Variants in PHLDB2 observed in about 807,000 individuals in gnomAD.
PHLDB2 encodes the protein pleckstrin homology like domain family B member 2.
In PHLDB2, 71 loss-of-function variants were observed where a neutral mutation model predicts 123.6. That is an observed-to-expected ratio of 0.57 (90% CI 0.47 to 0.70). PHLDB2 has a LOEUF of 0.70. Among genes scored for constraint, PHLDB2 ranks in the 30% least tolerant of loss-of-function variants. PHLDB2 has a pLI of 0.00. For synonymous variants in PHLDB2, 547 were observed against 541.6 expected, an observed-to-expected ratio of 1.01 and a Z score of -0.14; for missense variants, 1,446 against 1,519.5, an observed-to-expected ratio of 0.95 and a Z score of 0.80.
At chr3:111,937,617 A>T (rs1291199707) in intron 6 of PHLDB2, among the ~76,000 whole-genome samples, 1 of 152,044 alleles carries the variant, frequency 6.6e-6, no homozygotes, top group East Asian at 1.9e-4. Flanking sequence ...TCTACAAAAA[A>T]GTACAAAAAT....
rs1217006247 is a variant in PHLDB2 at position 111,903,588 on chromosome 3, A to T, written c.1336-9731A>T. 3.3e-5 allele frequency among the ~76,000 whole-genome samples: 5 copies of T among 152,184 alleles called. No homozygotes were observed. In the South Asian group the frequency reaches 1.0e-3, roughly 32 times the overall value. Reference sequence around the variant, plus strand: ...CCTGTATTTCCTTTCCCTGAAAATAATTGGGTCTAGTTTTTAGGCGTGCTT... The same window carrying T: ...CCTGTATTTCCTTTCCCTGAAAATATTTGGGTCTAGTTTTTAGGCGTGCTT... On this transcript the variant is annotated intron_variant, in intron 2 of 17. Transcript: ENST00000431670.
intron 2 of PHLDB2, among the ~76,000 whole-genome samples, chr3:111,902,540 T>A (rs1007180183): frequency 1.3e-5 from 2 of 152,236 alleles, no homozygotes; most frequent in Non-Finnish European, 2.9e-5. Flanking sequence ...TATCTATTTT[T>A]AAAGTACAAA....
chr3:111,772,129 T>C (rs931430633), intron 1 of PHLDB2, among the ~76,000 whole-genome samples: 3 of 152,158 alleles, frequency 2.0e-5, no homozygotes, highest in African/African-American at 7.2e-5. Flanking sequence ...TTATTACTCC[T>C]TCTTACTTGA....
chr3:111,920,903 G>T (rs952077383), intron 5 of PHLDB2, among the ~76,000 whole-genome samples: 1 of 152,158 alleles, frequency 6.6e-6, no homozygotes. Context: ...GCTTTGCCTT[G>T]CTATTGTTTT....
At position 111,973,194 on chromosome 3, in the gene PHLDB2, A is replaced by C. The variant is rs74640145; in HGVS notation, c.3536-538A>C. Among the ~76,000 whole-genome samples the C allele has an allele frequency of 9.5e-3, 1,447 of 152,222 alleles. 14 individuals are homozygous for C. The highest frequency in any genetic ancestry group is 0.017 in the Non-Finnish European group (1,137 of 68,020). On this transcript the variant is annotated intron_variant, in intron 16 of 17. Coordinates refer to ENST00000431670, the MANE Select transcript of PHLDB2 (RefSeq NM_001134438.2). ...TTGAAAACAGTTTGGAAATTGTTGC[A>C]TTGAAAGGACAATAAATTATTTGCT...
chr3:111,962,571 C>G (rs1346788247), intron 13 of PHLDB2, among the ~76,000 whole-genome samples: 5 of 152,160 alleles, frequency 3.3e-5, no homozygotes, highest in Non-Finnish European at 7.3e-5. Flanking sequence ...CAAATTTACA[C>G]TGTGCTTTAA....
At chr3:111,769,477 A>G (rs1001222380) in intron 1 of PHLDB2, among the ~76,000 whole-genome samples, 1 of 152,216 alleles carries the variant, frequency 6.6e-6, no homozygotes, top group African/African-American at 2.4e-5. Flanking sequence ...AGTATTCATT[A>G]TCTGTCTTTC....
At chr3:111,922,772 ACT>A (rs1375333773) in intron 5 of PHLDB2, among the ~76,000 whole-genome samples, 8 of 152,096 alleles carry the variant, frequency 5.3e-5, no homozygotes, top group Non-Finnish European at 8.8e-5. Context: ...TATTTCATAC[ACT>A]CTGTTCATAC....
At chr3:111,926,536 A>AT (rs1559907167) in intron 5 of PHLDB2, among the ~76,000 whole-genome samples, 3 of 149,414 alleles carry the variant, frequency 2.0e-5, no homozygotes, top group African/African-American at 4.9e-5. Flanking sequence ...GCTTGAGGCT[A>AT]TTTTTTTTCT....
chr3:111,953,933 C>T lies in PHLDB2; in HGVS notation c.2776C>T (p.His926Tyr). 6.2e-7 allele frequency: 1 copy of T among 1,613,322 alleles called. No homozygotes were observed. The highest frequency in any genetic ancestry group is 8.5e-7 in the Non-Finnish European group (1 of 1,179,488). Reference sequence around the variant, plus strand: ...TACTCCCTCCTGCTTCCCGCAGGCCCATCTGCCCCTAGGACAGAGTAACAG... The same window carrying T: ...TACTCCCTCCTGCTTCCCGCAGGCCTATCTGCCCCTAGGACAGAGTAACAG... ...TMGRSITPKA[H>Y]LPLGQSNSCG... is the part of the protein sequence containing the mutation. Residue 926 changes from histidine (H) to tyrosine (Y), a missense_variant, in exon 12 of 18, where the codon CAT (histidine) becomes TAT (tyrosine). Around this residue, in one of 3 missense-constraint regions of PHLDB2, gnomAD observed 594 missense variants for 646.0 expected, o/e 0.92. Coordinates refer to ENST00000431670, the MANE Select transcript of PHLDB2 (RefSeq NM_001134438.2).
At chr3:111,970,001 G>T in intron 16 of PHLDB2, 92 bp downstream of exon 16, 2 of 1,176,608 alleles carry the variant, frequency 1.7e-6, no homozygotes, top group African/African-American at 3.1e-5. Flanking sequence ...AAATAGGTAG[G>T]TTGATACATA....
intron 12 of PHLDB2, 118 bp downstream of exon 12, chr3:111,954,147 TTTACTC>T: frequency 2.4e-6 from 2 of 820,596 alleles, no homozygotes; most frequent in Non-Finnish European, 3.8e-6. Flanking sequence ...AAGGCCTAAT[TTTACTC>T]TTAATGTGTT....
At chr3:111,738,499 T>C (rs2059547973) in intron 1 of PHLDB2, among the ~76,000 whole-genome samples, 1 of 152,212 alleles carries the variant, frequency 6.6e-6, no homozygotes, top group Non-Finnish European at 1.5e-5. Flanking sequence ...TTCCCAGAAG[T>C]GTGTTAGACA....
At chr3:111,935,344 A>G (rs552378473) in intron 6 of PHLDB2, among the ~76,000 whole-genome samples, 6 of 151,910 alleles carry the variant, frequency 3.9e-5, no homozygotes, top group Non-Finnish European at 7.4e-5. Context: ...CAATTAAAAG[A>G]CCTTTTTACT....
At chr3:111,866,947 G>GTGTGTGTGTGTGTGTGTGTGTGTGTGTT (rs2065117354) in intron 1 of PHLDB2, among the ~76,000 whole-genome samples, 1 of 151,234 alleles carries the variant, frequency 6.6e-6, no homozygotes, top group Non-Finnish European at 1.5e-5. Flanking sequence ...GTGTGTGTGT[G>GTGTGTGTGTGTGTGTGTGTGTGTGTGTT]TGTGTGTGTG....
intron 5 of PHLDB2, among the ~76,000 whole-genome samples, chr3:111,924,768 A>G (rs2068722291): frequency 6.6e-6 from 1 of 152,256 alleles, no homozygotes; most frequent in African/African-American, 2.4e-5. Flanking sequence ...TTTTGGAGAC[A>G]AGGCCGGAGC....
intron 1 of PHLDB2, among the ~76,000 whole-genome samples, chr3:111,792,128 A>G (rs2060953309): frequency 6.6e-6 from 1 of 152,136 alleles, no homozygotes; most frequent in South Asian, 2.1e-4. Flanking sequence ...TGTTTTCATG[A>G]TGTTGATTAC....
At chr3:111,762,004 G>A (rs2060004010) in intron 1 of PHLDB2, among the ~76,000 whole-genome samples, 1 of 152,166 alleles carries the variant, frequency 6.6e-6, no homozygotes, top group Non-Finnish European at 1.5e-5. Flanking sequence ...TAAAAGAGAG[G>A]ATGAGGGGTC....
chr3:111,880,543 G>A (rs1395079193), intron 1 of PHLDB2, among the ~76,000 whole-genome samples: 2 of 152,172 alleles, frequency 1.3e-5, no homozygotes, highest in African/African-American at 4.8e-5. Context: ...TCCTTTGAAG[G>A]CTCAGGGTTA....
Sources: allele counts gnomAD v4.1 joint callset (sites outside exome capture counted in the v4.1 genomes callset), GRCh38; gene constraint gnomAD v4.1.1; regional missense constraint gnomAD v4.1.1; transcripts MANE v1.5; gene names NCBI Gene and HGNC (gene_info 2026-07-23, HGNC 2026-07-21).